Variants in RTN4 observed in about 807,000 individuals in gnomAD.
RTN4 encodes the protein reticulon-4.
RTN4 carries 32 observed loss-of-function variants against 90.4 expected under a neutral mutation model. The ratio of observed to expected loss-of-function variants is 0.35; its 90% CI spans 0.27 to 0.48. The LOEUF (loss-of-function observed/expected upper bound fraction) is 0.48. Ranked by LOEUF, RTN4 falls within the 20% of genes least tolerant of loss-of-function variation. The pLI, the probability that RTN4 is intolerant of heterozygous loss-of-function variation, is 0.99. For synonymous variants in RTN4, 629 were observed against 552.5 expected, an observed-to-expected ratio of 1.14 and a Z score of -1.94; for missense variants, 1,706 against 1,430.2, an observed-to-expected ratio of 1.19 and a Z score of -3.11.
the RTN4 span, among the ~76,000 whole-genome samples, chr2:55,124,275 A>C: frequency 2.0e-5 from 3 of 152,208 alleles, no homozygotes; most frequent in Non-Finnish European, 2.9e-5. Flanking sequence ...CCAGTTTCTC[A>C]GTCTTTCCGT....
chr2:54,973,635 A>G lies in RTN4; in HGVS notation c.3478-14T>C. 6.2e-7 allele frequency: 1 copy of G among 1,601,084 alleles called. No homozygotes were observed. The highest frequency in any genetic ancestry group is 8.6e-7 in the Non-Finnish European group (1 of 1,168,236). On this transcript the variant is annotated splice_polypyrimidine_tract_variant and intron_variant, in intron 7 of 8. Coordinates refer to ENST00000337526, the MANE Select transcript of RTN4 (RefSeq NM_020532.5). ...ATCTATCTGTGCCTGAAAGAGAGGT[A>G]TAAAGGAATTATTACCGTTGCTAAA...
chr2:55,039,325 A>C (rs1332450083), intron 1 of RTN4, among the ~76,000 whole-genome samples: 3 of 152,236 alleles, frequency 2.0e-5, no homozygotes, highest in Non-Finnish European at 2.9e-5. Flanking sequence ...TCTTCAACAA[A>C]TAAATTGCAG....
At chr2:55,017,856 C>G (rs1400796867) in intron 3 of RTN4, among the ~76,000 whole-genome samples, 1 of 152,080 alleles carries the variant, frequency 6.6e-6, no homozygotes, top group Admixed American at 6.5e-5. Context: ...CTTACATTGC[C>G]TAATGGTTCA....
intron 8 of RTN4, 108 bp downstream of exon 8, chr2:54,973,455 A>G: frequency 1.1e-6 from 1 of 900,168 alleles, no homozygotes. Context: ...GTCACACTTA[A>G]GGTCTGATAG....
chr2:55,136,943 T>C, the RTN4 span, among the ~76,000 whole-genome samples: 14,825 of 151,994 alleles, frequency 0.098, 826 homozygotes, highest in East Asian at 0.21. Context: ...CCCATTTCTG[T>C]CCCCCAGACT....
chr2:55,049,889 C>T lies in RTN4; in HGVS notation c.412G>A (p.Glu138Lys), dbSNP rs1573479157. The T allele has an allele frequency of 3.8e-6, 5 of 1,321,352 alleles. No homozygotes were observed. Among genetic ancestry groups the T allele is most frequent in the East Asian group, 3.1e-5 (1 of 31,992 alleles). The allele number at this position is 1,321,352 out of a possible 1,614,324, so 81.9% of individuals were successfully genotyped here. A position where few individuals can be genotyped will look rare whatever the true frequency, so the allele number is the denominator to read the frequency against. ...GGAGGGGGAGGCCGGGCCGGAGGCT[C>T]GTCGTCCTCAGGGAGCTTGGAGGGC... Reference protein sequence around the residue: ...VSPSKLPEDDEPPARPPPPPP... With the variant: ...VSPSKLPEDDKPPARPPPPPP... The change falls in exon 1 of 9, where the codon GAG (glutamate) becomes AAG (lysine). Residue 138 changes from glutamate (E) to lysine (K), a missense_variant. Glu to Lys is a moderately conservative substitution (Grantham distance 56, BLOSUM62 1). Coordinates refer to ENST00000337526, the MANE Select transcript of RTN4 (RefSeq NM_020532.5).
chr2:55,015,207 A>G (rs1573385842), intron 3 of RTN4, among the ~76,000 whole-genome samples: 1 of 152,154 alleles, frequency 6.6e-6, no homozygotes, highest in African/African-American at 2.4e-5. Flanking sequence ...TCTGGCAAAC[A>G]TTAACTTTCT....
At chr2:55,079,724 G>A (rs1668674644) in intron 2 of RTN4, among the ~76,000 whole-genome samples, 1 of 152,160 alleles carries the variant, frequency 6.6e-6, no homozygotes, top group South Asian at 2.1e-4. Context: ...AGATCATGGG[G>A]CAACAGTTCT....
chr2:55,095,089 G>A (rs1009411520), intron 1 of RTN4, among the ~76,000 whole-genome samples: 2 of 152,170 alleles, frequency 1.3e-5, no homozygotes, highest in Admixed American at 6.5e-5. Context: ...TTGGAAGGCC[G>A]AGGCAGGTGG....
At chr2:55,042,035 T>C (rs919216035) in intron 1 of RTN4, among the ~76,000 whole-genome samples, 12 of 151,944 alleles carry the variant, frequency 7.9e-5, no homozygotes, top group African/African-American at 2.2e-4. Context: ...CCCAAAAGAA[T>C]AGGCAAAAGC....
At chr2:55,099,446 C>T (rs1204353525) in intron 1 of RTN4, among the ~76,000 whole-genome samples, 1 of 152,056 alleles carries the variant, frequency 6.6e-6, no homozygotes, top group Non-Finnish European at 1.5e-5. Context: ...TCAATAGCTT[C>T]CTCACTACCT....
chr2:55,129,815 A>G, the RTN4 span, among the ~76,000 whole-genome samples: 1 of 151,874 alleles, frequency 6.6e-6, no homozygotes, highest in Non-Finnish European at 1.5e-5. Flanking sequence ...CCTGCCTCGG[A>G]CTCCCAAAGT....
the RTN4 span, among the ~76,000 whole-genome samples, chr2:55,121,918 G>A: frequency 7.3e-3 from 1,117 of 152,128 alleles, 17 homozygotes; most frequent in African/African-American, 0.026. Flanking sequence ...AAAACAAAAA[G>A]ATTGCTAGAG....
At chr2:55,121,656 C>T in the RTN4 span, among the ~76,000 whole-genome samples, 13 of 152,114 alleles carry the variant, frequency 8.5e-5, no homozygotes, top group African/African-American at 2.9e-4. Flanking sequence ...CTATTGTCAT[C>T]GACCATTATT....
intron 3 of RTN4, among the ~76,000 whole-genome samples, chr2:55,014,763 C>A (rs1410556668): frequency 4.6e-5 from 7 of 152,108 alleles, no homozygotes; most frequent in African/African-American, 1.7e-4. Context: ...GATCTGCCCG[C>A]CTTAGCCTCC....
chr2:55,096,099 G>A (rs762269422), intron 1 of RTN4, among the ~76,000 whole-genome samples: 1 of 152,146 alleles, frequency 6.6e-6, no homozygotes, highest in Non-Finnish European at 1.5e-5. Context: ...GGCCGAGGCG[G>A]GTGGATTACC....
At chr2:55,003,624 G>A (rs911033786) in intron 3 of RTN4, among the ~76,000 whole-genome samples, 4 of 152,164 alleles carry the variant, frequency 2.6e-5, no homozygotes, top group African/African-American at 9.7e-5. Flanking sequence ...AGCAAGAGAT[G>A]GGACCAAGTG....
chr2:55,078,546 G>C (rs192398413), intron 2 of RTN4, among the ~76,000 whole-genome samples: 1 of 152,180 alleles, frequency 6.6e-6, no homozygotes, highest in African/African-American at 2.4e-5. Flanking sequence ...CCTCATAGGA[G>C]ACTTTAGCCT....
chr2:55,130,372 A>G, the RTN4 span, among the ~76,000 whole-genome samples: 3 of 152,208 alleles, frequency 2.0e-5, no homozygotes, highest in African/African-American at 7.2e-5. Context: ...ACATACTAAG[A>G]TGGCCAAAAA....
Sources: allele counts gnomAD v4.1 joint callset (sites outside exome capture counted in the v4.1 genomes callset), GRCh38; gene constraint gnomAD v4.1.1; transcripts MANE v1.5; gene names NCBI Gene and HGNC (gene_info 2026-07-23, HGNC 2026-07-21).